PRKCB: variants seen among roughly 807,000 people sequenced by gnomAD.
PRKCB encodes protein kinase C beta, also known as protein kinase C beta type.
A neutral mutation model predicts 81.5 loss-of-function variants in PRKCB; 13 were observed. The observed-to-expected ratio is 0.16, with a 90% CI of 0.10 to 0.25. The LOEUF (loss-of-function observed/expected upper bound fraction) is 0.25, where lower values mean the gene tolerates loss of function less well. PRKCB is among the 10% of genes least tolerant of loss of function. The pLI is 1.00. For missense variants in PRKCB, 509 were observed against 875.7 expected, an observed-to-expected ratio of 0.58 and a Z score of 5.29; for synonymous variants, 335 against 321.4, an observed-to-expected ratio of 1.04 and a Z score of -0.45.
chr16:23,984,482 C>CA (rs1964776196), intron 2 of PRKCB, among the ~76,000 whole-genome samples: 3 of 151,630 alleles, frequency 2.0e-5, no homozygotes, highest in South Asian at 2.1e-4. Context: ...ACACACAGAA[C>CA]AAAAAAAGTT....
intron 9 of PRKCB, among the ~76,000 whole-genome samples, chr16:24,129,512 T>C (rs1431907044): frequency 1.4e-5 from 2 of 144,710 alleles, no homozygotes; most frequent in African/African-American, 5.3e-5. Flanking sequence ...CCCTCTCTCA[T>C]GCACGTGCAT....
chr16:23,941,954 A>AT (rs1964145230), intron 2 of PRKCB, among the ~76,000 whole-genome samples: 1 of 152,266 alleles, frequency 6.6e-6, no homozygotes, highest in Non-Finnish European at 1.5e-5. Flanking sequence ...TGAATACCAA[A>AT]TTAACACTAT....
At position 23,944,720 on chromosome 16, in the gene PRKCB, G is replaced by A. The variant is rs867995228; in HGVS notation, c.206-43788G>A. Among the ~76,000 whole-genome samples, 9 of 152,292 alleles carry A rather than the reference G, an allele frequency of 5.9e-5. No individual in the cohort carries two copies. The South Asian group carries it at 6.2e-4, about 11-fold the overall frequency. On this transcript the variant is annotated intron_variant, in intron 2 of 16. Transcript: ENST00000643927. The stretch of plus-strand genomic sequence containing the variant: ...ACCTCACAAAGGGTGCAGTGTCTGC[G>A]GTTGGGAGACTGGTCTCAATTTTCC...
At chr16:23,888,328 A>G (rs1963237363) in intron 2 of PRKCB, among the ~76,000 whole-genome samples, 1 of 152,320 alleles carries the variant, frequency 6.6e-6, no homozygotes, top group East Asian at 1.9e-4. Context: ...AGCTCCGTGA[A>G]AGCTCTCTGA....
intron 3 of PRKCB, among the ~76,000 whole-genome samples, chr16:24,013,447 C>T (rs1360761743): frequency 6.6e-6 from 1 of 152,142 alleles, no homozygotes; most frequent in Admixed American, 6.5e-5. Context: ...TACTTAACTT[C>T]TCTGTGTCTC....
intron 2 of PRKCB, among the ~76,000 whole-genome samples, chr16:23,888,631 C>T (rs1963240722): frequency 6.6e-6 from 1 of 151,980 alleles, no homozygotes; most frequent in African/African-American, 2.4e-5. Flanking sequence ...GCCATAACCG[C>T]TAGTTTATCC....
At chr16:23,941,721 G>A (rs867892641) in intron 2 of PRKCB, among the ~76,000 whole-genome samples, 6 of 152,158 alleles carry the variant, frequency 3.9e-5, no homozygotes, top group African/African-American at 1.2e-4. Flanking sequence ...CTTGGAGAAA[G>A]GACTAAGAAC....
intron 5 of PRKCB, among the ~76,000 whole-genome samples, chr16:24,082,833 GAA>G (rs36030941): frequency 2.5e-3 from 348 of 138,156 alleles, no homozygotes; most frequent in East Asian, 9.1e-3. Context: ...ACCCATAAAA[GAA>G]AAAAAAAAAA....
chr16:24,182,069 A>T (rs1386487387), intron 13 of PRKCB, among the ~76,000 whole-genome samples: 2 of 152,204 alleles, frequency 1.3e-5, no homozygotes, highest in Non-Finnish European at 2.9e-5. Flanking sequence ...GGACCCAGTG[A>T]AGTTTTCCCT....
intron 3 of PRKCB, among the ~76,000 whole-genome samples, chr16:24,009,830 C>T (rs113544123): frequency 0.02 from 3,049 of 152,026 alleles, 106 homozygotes; most frequent in African/African-American, 0.069. Flanking sequence ...GCCTGACCAA[C>T]ATGGCAGAAC....
At chr16:23,890,087 A>G (rs912855960) in intron 2 of PRKCB, among the ~76,000 whole-genome samples, 1 of 152,244 alleles carries the variant, frequency 6.6e-6, no homozygotes, top group Admixed American at 6.5e-5. Context: ...TAAAACAATA[A>G]ATCAGTTAAT....
At chr16:23,890,009 T>TATCTAATTCCAATAGTTATCTA (rs1439056635) in intron 2 of PRKCB, among the ~76,000 whole-genome samples, 5 of 152,262 alleles carry the variant, frequency 3.3e-5, no homozygotes, top group African/African-American at 1.2e-4. Context: ...AAAAAGGACT[T>TATCTAATTCCAATAGTTATCTA]ATTCACTTAT....
chr16:23,974,995 T>G (rs560392266), intron 2 of PRKCB, among the ~76,000 whole-genome samples: 1 of 152,270 alleles, frequency 6.6e-6, no homozygotes, highest in South Asian at 2.1e-4. Flanking sequence ...GCACCTCGAT[T>G]GACAGCCCCA....
chr16:24,025,090 C>T (rs181414126), intron 3 of PRKCB, among the ~76,000 whole-genome samples: 56 of 152,224 alleles, frequency 3.7e-4, no homozygotes, highest in African/African-American at 1.1e-3. Context: ...CTAAATAAGC[C>T]GTAAGAAGTC....
intron 3 of PRKCB, among the ~76,000 whole-genome samples, chr16:23,991,758 C>T (rs1029803431): frequency 5.9e-5 from 9 of 152,158 alleles, no homozygotes; most frequent in African/African-American, 2.2e-4. Flanking sequence ...GTCTCCTATG[C>T]GAGCATGGTG....
At chr16:24,152,966 C>T (rs1006915965) in intron 9 of PRKCB, among the ~76,000 whole-genome samples, 10 of 152,154 alleles carry the variant, frequency 6.6e-5, no homozygotes, top group Admixed American at 2.0e-4. Context: ...GCCTTTGTCA[C>T]TGTGGCTGTG....
At chr16:24,032,109 T>C (rs1965557707) in intron 3 of PRKCB, 27 bp from the exon 4 acceptor site, 1 of 1,524,556 alleles carries the variant, frequency 6.6e-7, no homozygotes, top group African/African-American at 1.4e-5. Context: ...TGACGCTGGC[T>C]CCTTCTGTTG....
intron 5 of PRKCB, among the ~76,000 whole-genome samples, chr16:24,062,182 G>A (rs910913721): frequency 6.6e-6 from 1 of 152,208 alleles, no homozygotes; most frequent in African/African-American, 2.4e-5. Flanking sequence ...TCTCAATTTT[G>A]TGGGTCTTCT....
intron 2 of PRKCB, among the ~76,000 whole-genome samples, chr16:23,932,766 T>C (rs1400279561): frequency 6.6e-6 from 1 of 152,252 alleles, no homozygotes; most frequent in Non-Finnish European, 1.5e-5. Context: ...GTCAAACTGC[T>C]GTTCCTTTCC....
Sources: gnomAD v4.1 joint callset for allele counts (sites outside exome capture counted in the v4.1 genomes callset) on GRCh38, gnomAD v4.1.1 for gene constraint, MANE v1.5 for transcripts, NCBI Gene and HGNC (gene_info 2026-07-23, HGNC 2026-07-21) for gene names.